Variants in GSDME observed in about 807,000 individuals in gnomAD.
GSDME encodes gasdermin-E.
Under a neutral mutation model 47.5 loss-of-function variants are expected in GSDME, and 44 were observed. The ratio of observed to expected loss-of-function variants is 0.93; its 90% CI spans 0.73 to 1.19. The LOEUF (loss-of-function observed/expected upper bound fraction) is 1.19. Among genes scored for constraint, GSDME ranks in the 50% most tolerant of loss-of-function variants. The pLI is 0.00. For synonymous variants in GSDME, 258 were observed against 252.8 expected (o/e 1.02, Z -0.20); for missense variants, 663 against 604.2 (o/e 1.10, Z -1.02).
rs1790277448 is a variant in GSDME at position 24,735,565 on chromosome 7, T to C, written c.404+8997A>G. Reference sequence around the variant, plus strand: ...TGAAGACAGGAATTCGAGACCAGACTGCCCAACATGGCGAAACCACATCTC... The same window carrying C: ...TGAAGACAGGAATTCGAGACCAGACCGCCCAACATGGCGAAACCACATCTC... On this transcript the variant is annotated intron_variant, in intron 3 of 9. Coordinates refer to ENST00000645220, the MANE Select transcript of GSDME (RefSeq NM_001127453.2). The surrounding 1 kb of genome is among the most constrained non-coding windows in gnomAD (Gnocchi z 4.4). Among the ~76,000 whole-genome samples the C allele has an allele frequency of 1.3e-5, 2 of 152,056 alleles. No individual in the cohort carries two copies. The highest frequency in any genetic ancestry group is 4.1e-4 in the South Asian group (2 of 4,820).
At chr7:24,713,173 G>A (rs1789421517) in intron 5 of GSDME, among the ~76,000 whole-genome samples, 1 of 152,158 alleles carries the variant, frequency 6.6e-6, no homozygotes, top group African/African-American at 2.4e-5. Flanking sequence ...ATGTGGCAGG[G>A]CAGAGCATAT....
chr7:24,714,776 T>A lies in GSDME; in HGVS notation c.697+2478A>T, dbSNP rs1423902027. ...TGCGTCAGGGCAGGGTCTGGTCACC[T>A]CCTGGGACAAACAGGAGGAAGCTCG... On this transcript the variant is annotated intron_variant, in intron 5 of 9. Coordinates refer to ENST00000645220, the MANE Select transcript of GSDME (RefSeq NM_001127453.2). This position sits in a 1 kb window ranked among gnomAD's most constrained non-coding sequence, Gnocchi z 5.0. 1.3e-5 allele frequency among the ~76,000 whole-genome samples: 2 copies of A among 152,256 alleles called. No individual in the cohort carries two copies. The highest frequency in any genetic ancestry group is 3.9e-4 in the East Asian group (2 of 5,170).
intron 3 of GSDME, among the ~76,000 whole-genome samples, chr7:24,720,286 A>T (rs892298146): frequency 2.0e-5 from 3 of 152,260 alleles, no homozygotes; most frequent in African/African-American, 7.2e-5. Context: ...CAATACTATG[A>T]TTCTATGAAA....
Position 24,742,500 on chromosome 7 carries a change from T to C in GSDME, c.404+2062A>G, listed in dbSNP as rs2128062277. Among the ~76,000 whole-genome samples the C allele has an allele frequency of 6.6e-6, 1 of 152,314 alleles. No homozygotes were observed. The highest frequency in any genetic ancestry group is 6.5e-5 in the Admixed American group (1 of 15,302). ...CTCCCTCTTCCTCCACTCAGAACTG[T>C]TGGCTCTGGCTTCTTTCTCTCCGGA... On this transcript the variant is annotated intron_variant, in intron 3 of 9. Transcript: ENST00000645220. This position sits in a 1 kb window ranked among gnomAD's most constrained non-coding sequence, Gnocchi z 4.4.
rs774505195 is a variant in GSDME at position 24,744,581 on chromosome 7, T to G, written c.385A>C (p.Ile129Leu). ...RKQEVDLQQLIRDSAERTINL... is the reference protein window; with the variant it reads ...RKQEVDLQQLLRDSAERTINL... ...CCTTACCTCTCGGCAGAGTCTCTGATGAGCTGCTGCAAATCCACCTCCTGC... is the reference window on the plus strand; with the variant it reads ...CCTTACCTCTCGGCAGAGTCTCTGAGGAGCTGCTGCAAATCCACCTCCTGC... The change falls in exon 3 of 10, where the codon ATC (isoleucine) becomes CTC (leucine). Residue 129 changes from isoleucine to leucine, a missense_variant. Physicochemically the swap from Ile to Leu is conservative, Grantham distance 5 (BLOSUM62 2). Transcript: ENST00000645220. The surrounding 1 kb of genome is among the most constrained non-coding windows in gnomAD (Gnocchi z 4.5). The G allele has an allele frequency of 4.3e-6, 7 of 1,614,162 alleles. No homozygotes were observed. The South Asian group carries it at 6.6e-5, about 15-fold the overall frequency.
intron 1 of GSDME, among the ~76,000 whole-genome samples, chr7:24,751,581 A>G (rs983675548): frequency 6.6e-6 from 1 of 152,218 alleles, no homozygotes; most frequent in Non-Finnish European, 1.5e-5. Context: ...CTTGTATATT[A>G]ACACTAGGAA....
At chr7:24,699,850 A>G (rs1402240552) in intron 9 of GSDME, among the ~76,000 whole-genome samples, 1 of 152,202 alleles carries the variant, frequency 6.6e-6, no homozygotes, top group Admixed American at 6.5e-5. Flanking sequence ...TCATATATGC[A>G]GTATGCTTAG....
chr7:24,753,644 T>C (rs1790926044), intron 1 of GSDME, among the ~76,000 whole-genome samples: 1 of 152,202 alleles, frequency 6.6e-6, no homozygotes, highest in African/African-American at 2.4e-5. Context: ...AGTGTATCAT[T>C]AGACTTTTGG....
In GSDME at chr7:24,735,743, A is replaced by G. The variant is rs1343341412; in HGVS notation, c.404+8819T>C. On this transcript the variant is annotated intron_variant, in intron 3 of 9. Transcript: ENST00000645220. This position sits in a 1 kb window ranked among gnomAD's most constrained non-coding sequence, Gnocchi z 4.4. ...ACTGCACTCCAGCCTGGGTGACAAC[A>G]GCAAAACTCTATCTCAAAAATAAAT... 6.7e-6 allele frequency among the ~76,000 whole-genome samples: 1 copy of G among 150,326 alleles called. No homozygotes were observed. The highest frequency in any genetic ancestry group is 2.5e-5 in the African/African-American group (1 of 40,682).
the GSDME span, among the ~76,000 whole-genome samples, chr7:24,781,007 G>A: frequency 2.4e-4 from 37 of 152,336 alleles, 1 homozygote; most frequent in South Asian, 6.6e-3. Flanking sequence ...AAACACTGGC[G>A]TGGCCCATCA....
the GSDME span, among the ~76,000 whole-genome samples, chr7:24,773,580 A>T: frequency 6.6e-6 from 1 of 152,166 alleles, no homozygotes; most frequent in Non-Finnish European, 1.5e-5. The surrounding 1 kb of genome is among the most constrained non-coding windows in gnomAD (Gnocchi z 5.4). Context: ...GATCTAACGA[A>T]TTTTTAAGGC....
rs55926631 is a variant in GSDME, at chr7:24,744,808, G to A, written c.212-54C>T. 79,468 of 1,589,712 alleles carry A rather than the reference G, an allele frequency of 0.05. 2,310 individuals are homozygous for A. Among genetic ancestry groups the A allele is most frequent in the Non-Finnish European group, 0.057 (65,917 of 1,161,086 alleles). On this transcript the variant is annotated intron_variant, in intron 2 of 9. Transcript: ENST00000645220. This position sits in a 1 kb window ranked among gnomAD's most constrained non-coding sequence, Gnocchi z 4.5. ...CCGATGATGATAAGGCCACCAAGAT[G>A]TCTTGGGTCATTTAGCTTTCCAAGC... is the stretch of plus-strand genomic sequence containing the variant.
At chr7:24,703,958 G>C (rs1327182954) in intron 8 of GSDME, 2 of 152,180 alleles carry the variant, frequency 1.3e-5, no homozygotes, top group Non-Finnish European at 1.5e-5. Flanking sequence ...TTCCAGGGTG[G>C]CTCCTGGGAC....
At chr7:24,738,341 TG>T (rs1378379109) in intron 3 of GSDME, among the ~76,000 whole-genome samples, 1 of 151,926 alleles carries the variant, frequency 6.6e-6, no homozygotes, top group African/African-American at 2.4e-5. Context: ...GAGAACAATC[TG>T]AAAAAGAAAT....
intron 5 of GSDME, among the ~76,000 whole-genome samples, chr7:24,713,780 G>A (rs555394076): frequency 5.9e-5 from 9 of 152,340 alleles, no homozygotes; most frequent in African/African-American, 9.6e-5. Flanking sequence ...TGCTAGGATG[G>A]AACAGACAGG....
chr7:24,730,277 T>A (rs1157777301), intron 3 of GSDME, among the ~76,000 whole-genome samples: 1 of 152,206 alleles, frequency 6.6e-6, no homozygotes, highest in Non-Finnish European at 1.5e-5. Context: ...CTGAGACACA[T>A]ATTTTTTTCT....
chr7:24,787,239 T>G, the GSDME span, among the ~76,000 whole-genome samples: 1 of 152,190 alleles, frequency 6.6e-6, no homozygotes, highest in Non-Finnish European at 1.5e-5. This position sits in a 1 kb window ranked among gnomAD's most constrained non-coding sequence, Gnocchi z 5.0. Flanking sequence ...CGTCCTCTCA[T>G]GTGCATCCAA....
upstream of GSDME, among the ~76,000 whole-genome samples, chr7:24,760,278 C>T (rs918385173): frequency 2.6e-5 from 4 of 152,140 alleles, no homozygotes; most frequent in African/African-American, 7.2e-5. The surrounding 1 kb of genome is among the most constrained non-coding windows in gnomAD (Gnocchi z 4.2). Flanking sequence ...GGATTTATTT[C>T]GTAAATGAAT....
Position 24,698,528 on chromosome 7 carries a change from CAGCAG to C in GSDME, c.*493_*497del, listed in dbSNP as rs1468562109. 5.4e-6 allele frequency: 1 copy of C among 186,592 alleles called. No individual in the cohort carries two copies. Among genetic ancestry groups the C allele is most frequent in the Non-Finnish European group, 1.1e-5 (1 of 89,262 alleles). 11.6% of individuals were successfully genotyped at this position (186,592 alleles called of 1,614,324 possible). A position where few individuals can be genotyped will look rare whatever the true frequency, so the allele number is the denominator to read the frequency against. Reference sequence around the variant, plus strand: ...GATTTTTTTGAAGTTTAATTTTGTTCAGCAGAGGAATATACTCTAGGAGCATTTAC... The same window carrying C: ...GATTTTTTTGAAGTTTAATTTTGTTCAGGAATATACTCTAGGAGCATTTAC... On this transcript the variant is annotated 3_prime_UTR_variant, in exon 10 of 10. Coordinates refer to ENST00000645220, the MANE Select transcript of GSDME (RefSeq NM_001127453.2).
Sources: gnomAD v4.1 joint callset for allele counts (sites outside exome capture counted in the v4.1 genomes callset) on GRCh38, gnomAD v4.1.1 for gene constraint, Gnocchi (gnomAD v3.1) non-coding constraint, MANE v1.5 for transcripts, NCBI Gene and HGNC (gene_info 2026-07-23, HGNC 2026-07-21) for gene names.